The following CDYL variants were observed in gnomAD, a reference collection of about 807,000 sequenced individuals.
CDYL encodes chromodomain Y-like protein.
In CDYL, 8 loss-of-function variants were observed where a neutral mutation model predicts 47.3. That is an observed-to-expected ratio of 0.17 (90% confidence interval 0.10 to 0.31). The LOEUF is 0.31. CDYL is among the 10% of genes least tolerant of loss of function. CDYL has a pLI of 1.00. For missense variants in CDYL, 471 were observed against 701.4 expected (o/e 0.67, Z 3.71); for synonymous variants, 266 against 265.0 (o/e 1.00, Z -0.04).
At chr6:4,950,221 C>T (rs1037944581) in intron 5 of CDYL, among the ~76,000 whole-genome samples, 2 of 152,164 alleles carry the variant, frequency 1.3e-5, no homozygotes, top group Non-Finnish European at 2.9e-5. Flanking sequence ...AGCCAGGGCC[C>T]TGCAGGAAGG....
At chr6:4,905,040 C>T (rs770549104) in intron 2 of CDYL, among the ~76,000 whole-genome samples, 2 of 152,186 alleles carry the variant, frequency 1.3e-5, no homozygotes, top group African/African-American at 2.4e-5. Context: ...CTGCCCCAGA[C>T]GGCCCAGTGC....
chr6:4,727,589 ACCCACCC>A (rs908309420), intron 2 of CDYL, among the ~76,000 whole-genome samples: 5 of 15,884 alleles, frequency 3.1e-4, no homozygotes, highest in Admixed American at 5.8e-4. Flanking sequence ...CCTGCCTCCC[ACCCACCC>A]CCTCCCTCCA....
At chr6:4,815,948 T>C (rs144696754) in intron 1 of CDYL, among the ~76,000 whole-genome samples, 61 of 148,798 alleles carry the variant, frequency 4.1e-4, no homozygotes, top group African/African-American at 1.2e-3. Context: ...CACCCTCCTA[T>C]ATTTTCTTTG....
chr6:4,797,177 AATTT>A (rs1759095522), intron 1 of CDYL, among the ~76,000 whole-genome samples: 1 of 127,444 alleles, frequency 7.8e-6, no homozygotes, highest in African/African-American at 2.6e-5. Context: ...ATATTACTTT[AATTT>A]ATATCCATCT....
chr6:4,825,506 G>A (rs72821449), intron 1 of CDYL, among the ~76,000 whole-genome samples: 1,748 of 152,234 alleles, frequency 0.011, 22 homozygotes, highest in South Asian at 0.027. Context: ...TCATGTTGAG[G>A]AAGTTCTCTT....
chr6:4,746,525 G>A (rs565606081), intron 3 of CDYL, among the ~76,000 whole-genome samples: 8 of 152,144 alleles, frequency 5.3e-5, no homozygotes, highest in South Asian at 2.1e-4. Context: ...TGAAGAGACC[G>A]GAATGCTGCT....
intron 2 of CDYL, among the ~76,000 whole-genome samples, chr6:4,892,624 C>T (rs554731044): frequency 2.0e-5 from 3 of 152,056 alleles, no homozygotes; most frequent in South Asian, 4.1e-4. Context: ...TTGCTTTAAA[C>T]AGTATCTCCC....
At chr6:4,757,054 T>C (rs187631070) in intron 3 of CDYL, among the ~76,000 whole-genome samples, 34 of 152,312 alleles carry the variant, frequency 2.2e-4, no homozygotes, top group Middle Eastern at 3.4e-3. Context: ...TGAGTCACCA[T>C]TGTACCTATA....
exon 3 of CDYL, chr6:4,734,789 C>T: frequency 6.2e-7 from 1 of 1,614,134 alleles, no homozygotes; most frequent in African/African-American, 1.3e-5. Flanking sequence ...CCTTCAGACC[C>T]CAGCATCTCC....
chr6:4,724,831 A>C (rs1757470680), intron 2 of CDYL: 1 of 152,186 alleles, frequency 6.6e-6, no homozygotes, highest in South Asian at 2.1e-4. Flanking sequence ...TATTTATTGC[A>C]AAGAGCAAAA....
At chr6:4,951,768 A>G (rs1419470609) in intron 5 of CDYL, among the ~76,000 whole-genome samples, 1 of 151,944 alleles carries the variant, frequency 6.6e-6, no homozygotes, top group East Asian at 1.9e-4. Context: ...AGATAAAGAA[A>G]AGGTTTGGTA....
intron 1 of CDYL, among the ~76,000 whole-genome samples, chr6:4,711,354 A>G (rs1303033541): frequency 6.6e-6 from 1 of 152,174 alleles, no homozygotes; most frequent in African/African-American, 2.4e-5. Flanking sequence ...AGCAACCTCA[A>G]GGCTCTTCTC....
intron 2 of CDYL, among the ~76,000 whole-genome samples, chr6:4,906,136 C>T (rs1757227081): frequency 6.6e-6 from 1 of 152,186 alleles, no homozygotes; most frequent in Admixed American, 6.5e-5. Context: ...AGAAAGTCTG[C>T]CTCTCCCATG....
At chr6:4,850,184 C>A (rs1285053976) in intron 1 of CDYL, among the ~76,000 whole-genome samples, 1 of 152,116 alleles carries the variant, frequency 6.6e-6, no homozygotes, top group Non-Finnish European at 1.5e-5. Context: ...ACGCTAATTG[C>A]CAGTATCACA....
intron 2 of CDYL, 134 bp downstream of exon 2, chr6:4,892,513 C>A: frequency 4.3e-6 from 4 of 933,312 alleles, no homozygotes; most frequent in Non-Finnish European, 4.7e-6. Context: ...AGAGATTTCG[C>A]CTTCTCCTTT....
chr6:4,713,433 C>T (rs57752331), intron 1 of CDYL, among the ~76,000 whole-genome samples: 4,809 of 152,154 alleles, frequency 0.032, 271 homozygotes, highest in African/African-American at 0.11. Flanking sequence ...TGTCAGGGCT[C>T]CCCGTGAAAC....
intron 2 of CDYL, among the ~76,000 whole-genome samples, chr6:4,931,690 T>A (rs1758038048): frequency 6.6e-6 from 1 of 152,122 alleles, no homozygotes. Flanking sequence ...CATGCCCTAC[T>A]CAGATGAGTA....
chr6:4,766,013 A>G (rs540590340), intron 3 of CDYL, among the ~76,000 whole-genome samples: 1 of 152,346 alleles, frequency 6.6e-6, no homozygotes, highest in South Asian at 2.1e-4. Context: ...ATAAATTAAT[A>G]TACCCATGGC....
chr6:4,789,956 T>C (rs1758873776), intron 1 of CDYL, among the ~76,000 whole-genome samples: 1 of 152,154 alleles, frequency 6.6e-6, no homozygotes, highest in Admixed American at 6.5e-5. Flanking sequence ...GCCTTTGTGC[T>C]CCCCCTTCCC....
Sources: gnomAD v4.1 joint callset for allele counts (sites outside exome capture counted in the v4.1 genomes callset) on GRCh38, gnomAD v4.1.1 for gene constraint, MANE v1.5 for transcripts, NCBI Gene and HGNC (gene_info 2026-07-23, HGNC 2026-07-21) for gene names.